The following CNTNAP2 variants were observed in gnomAD, a reference collection of about 807,000 sequenced individuals.
CNTNAP2 encodes contactin associated protein 2.
A neutral mutation model predicts 155.2 loss-of-function variants in CNTNAP2; 98 were observed. The observed-to-expected ratio is 0.63, with a 90% CI of 0.54 to 0.75. The LOEUF (loss-of-function observed/expected upper bound fraction) is 0.75, where lower values mean the gene tolerates loss of function less well. Ranked by LOEUF, CNTNAP2 falls within the 30% of genes least tolerant of loss-of-function variation. The pLI is 0.00. For synonymous variants in CNTNAP2, 651 were observed against 631.2 expected, an observed-to-expected ratio of 1.03 and a Z score of -0.47; for missense variants, 1,727 against 1,688.1, an observed-to-expected ratio of 1.02 and a Z score of -0.40.
intron 10 of CNTNAP2, among the ~76,000 whole-genome samples, chr7:147,473,724 G>C (rs1354872630): frequency 1.3e-5 from 2 of 152,160 alleles, no homozygotes; most frequent in African/African-American, 2.4e-5. Context: ...TAGATAGATA[G>C]ATATGGATAT....
chr7:146,226,491 T>A (rs750741591), intron 1 of CNTNAP2, among the ~76,000 whole-genome samples: 1 of 152,038 alleles, frequency 6.6e-6, no homozygotes, highest in Non-Finnish European at 1.5e-5. Context: ...AGACCCCAAG[T>A]CTACAAAAAA....
At chr7:147,868,366 A>G (rs539080348) in intron 13 of CNTNAP2, among the ~76,000 whole-genome samples, 3 of 152,212 alleles carry the variant, frequency 2.0e-5, no homozygotes, top group Admixed American at 1.3e-4. Context: ...GTGCCTGCCT[A>G]TATGAGGTGT....
intron 18 of CNTNAP2, among the ~76,000 whole-genome samples, chr7:148,195,309 T>C (rs2116723187): frequency 6.6e-6 from 1 of 152,338 alleles, no homozygotes; most frequent in Non-Finnish European, 1.5e-5. Context: ...GAACCAACTT[T>C]TAAATTGAAT....
At chr7:146,717,299 TCAAGAC>T (rs1181429375) in intron 1 of CNTNAP2, among the ~76,000 whole-genome samples, 1 of 150,168 alleles carries the variant, frequency 6.7e-6, no homozygotes, top group Non-Finnish European at 1.5e-5. Context: ...GGTCAGGAGT[TCAAGAC>T]CAGCCTGGCC....
At chr7:147,986,651 C>T (rs1801621812) in intron 15 of CNTNAP2, among the ~76,000 whole-genome samples, 1 of 152,124 alleles carries the variant, frequency 6.6e-6, no homozygotes, top group Non-Finnish European at 1.5e-5. Context: ...CTTAGTAATT[C>T]CCCAGGGCCA....
intron 15 of CNTNAP2, among the ~76,000 whole-genome samples, chr7:148,063,465 CT>C (rs951628840): frequency 2.5e-4 from 38 of 151,650 alleles, no homozygotes; most frequent in South Asian, 2.1e-4. Flanking sequence ...TTTCTAGTAG[CT>C]TTTTTTTCCT....
At chr7:147,631,487 G>A (rs1255121734) in intron 12 of CNTNAP2, among the ~76,000 whole-genome samples, 1 of 151,974 alleles carries the variant, frequency 6.6e-6, no homozygotes. Flanking sequence ...CAATCCTAAA[G>A]TTCATATGAA....
At chr7:147,791,704 G>A (rs1797822690) in intron 13 of CNTNAP2, among the ~76,000 whole-genome samples, 1 of 152,088 alleles carries the variant, frequency 6.6e-6, no homozygotes, top group Admixed American at 6.5e-5. Context: ...CCCTCAGCTA[G>A]CAGGAAAACT....
intron 21 of CNTNAP2, among the ~76,000 whole-genome samples, chr7:148,305,818 G>C (rs1797481271): frequency 6.6e-6 from 1 of 152,128 alleles, no homozygotes; most frequent in South Asian, 2.1e-4. Flanking sequence ...TACAATTCAA[G>C]GTGAGATTTG....
intron 3 of CNTNAP2, among the ~76,000 whole-genome samples, chr7:146,898,364 A>C (rs533579264): frequency 1.3e-5 from 2 of 152,116 alleles, no homozygotes; most frequent in Non-Finnish European, 2.9e-5. Context: ...TCACTCAGGA[A>C]GGATCTAAGC....
intron 8 of CNTNAP2, among the ~76,000 whole-genome samples, chr7:147,277,653 CT>C (rs1489712327): frequency 1.3e-5 from 2 of 151,742 alleles, no homozygotes; most frequent in Non-Finnish European, 2.9e-5. Context: ...ATGCTGTACA[CT>C]AGAAAGTACC....
intron 12 of CNTNAP2, among the ~76,000 whole-genome samples, chr7:147,625,080 G>A (rs971552773): frequency 3.9e-5 from 6 of 152,124 alleles, no homozygotes; most frequent in African/African-American, 1.4e-4. Context: ...ATGGACATAG[G>A]GTGGAAGGAT....
At chr7:147,088,464 G>T (rs1800327360) in intron 4 of CNTNAP2, among the ~76,000 whole-genome samples, 1 of 151,996 alleles carries the variant, frequency 6.6e-6, no homozygotes, top group African/African-American at 2.4e-5. Context: ...TAAATTTTAA[G>T]GTTTAAAGCC....
intron 13 of CNTNAP2, among the ~76,000 whole-genome samples, chr7:147,824,512 T>TGA (rs1411798400): frequency 6.6e-6 from 1 of 152,106 alleles, no homozygotes; most frequent in East Asian, 1.9e-4. Flanking sequence ...CATGTGGAAA[T>TGA]GGTACCTATC....
At chr7:146,305,450 G>A (rs549723471) in intron 1 of CNTNAP2, among the ~76,000 whole-genome samples, 1 of 152,080 alleles carries the variant, frequency 6.6e-6, no homozygotes, top group Admixed American at 6.6e-5. Context: ...CATACAGATG[G>A]GGTTTTGGTG....
intron 21 of CNTNAP2, among the ~76,000 whole-genome samples, chr7:148,351,746 A>C (rs1052680664): frequency 5.6e-5 from 6 of 107,370 alleles, no homozygotes; most frequent in Non-Finnish European, 1.5e-4. Flanking sequence ...CTGTCTCACA[A>C]AAAAAAAAAA....
At chr7:147,492,314 T>C (rs1798624119) in intron 11 of CNTNAP2, among the ~76,000 whole-genome samples, 2 of 152,196 alleles carry the variant, frequency 1.3e-5, no homozygotes, top group African/African-American at 2.4e-5. Context: ...CAGGCGGGAA[T>C]GCCTGCCTCC....
chr7:146,323,476 G>T (rs1281491420), intron 1 of CNTNAP2, among the ~76,000 whole-genome samples: 1 of 151,842 alleles, frequency 6.6e-6, no homozygotes, highest in Non-Finnish European at 1.5e-5. Flanking sequence ...GAAAGTTAAC[G>T]GCTATATAGG....
At chr7:146,752,557 A>T (rs1272017322) in intron 1 of CNTNAP2, among the ~76,000 whole-genome samples, 1 of 152,106 alleles carries the variant, frequency 6.6e-6, no homozygotes, top group African/African-American at 2.4e-5. Flanking sequence ...ATTTTCTCCC[A>T]TTCTATAGGT....
Sources: allele counts gnomAD v4.1 joint callset (sites outside exome capture counted in the v4.1 genomes callset), GRCh38; gene constraint gnomAD v4.1.1; transcripts MANE v1.5; gene names NCBI Gene and HGNC (gene_info 2026-07-23, HGNC 2026-07-21).